Variants in FARS2 observed in about 807,000 individuals in gnomAD.
FARS2 encodes phenylalanyl-tRNA synthetase 2, mitochondrial.
A neutral mutation model predicts 46.4 loss-of-function variants in FARS2; 40 were observed. That is an observed-to-expected ratio of 0.86 (90% CI 0.67 to 1.12). The LOEUF is 1.12. FARS2 is among the 50% of genes most tolerant of loss of function. The pLI, the probability that FARS2 is intolerant of heterozygous loss-of-function variation, is 0.00. For missense variants in FARS2, 513 were observed against 567.9 expected (o/e 0.90, Z 0.98); for synonymous variants, 234 against 214.9 (o/e 1.09, Z -0.78).
At chr6:5,717,745 T>C (rs1269884401) in intron 6 of FARS2, among the ~76,000 whole-genome samples, 3 of 152,028 alleles carry the variant, frequency 2.0e-5, no homozygotes, top group Non-Finnish European at 4.4e-5. Flanking sequence ...TTTTACATAA[T>C]ATATTCCACA....
At chr6:5,670,902 C>T (rs942652104) in intron 6 of FARS2, among the ~76,000 whole-genome samples, 2 of 152,146 alleles carry the variant, frequency 1.3e-5, no homozygotes, top group African/African-American at 2.4e-5. Flanking sequence ...AATCAGGTGG[C>T]TTTTTATTTT....
At chr6:5,399,653 A>G (rs937730865) in intron 2 of FARS2, among the ~76,000 whole-genome samples, 1 of 151,922 alleles carries the variant, frequency 6.6e-6, no homozygotes, top group Non-Finnish European at 1.5e-5. Flanking sequence ...TTTCTAGCCT[A>G]TCCTTCCTTT....
intron 5 of FARS2, among the ~76,000 whole-genome samples, chr6:5,565,248 G>T (rs1772257932): frequency 1.3e-5 from 2 of 152,196 alleles, no homozygotes; most frequent in Non-Finnish European, 2.9e-5. Flanking sequence ...ACAAGGATCA[G>T]CAGTATTCCA....
At chr6:5,437,824 C>T (rs183830843) in intron 4 of FARS2, among the ~76,000 whole-genome samples, 27 of 152,184 alleles carry the variant, frequency 1.8e-4, no homozygotes, top group Admixed American at 1.6e-3. Context: ...TTTATATTTA[C>T]TTAGCTGTTT....
At chr6:5,651,035 C>T (rs977679446) in intron 6 of FARS2, among the ~76,000 whole-genome samples, 2 of 152,146 alleles carry the variant, frequency 1.3e-5, no homozygotes, top group African/African-American at 2.4e-5. Flanking sequence ...AAGCTTTAAC[C>T]TCAGTTGCCT....
At chr6:5,555,563 A>G (rs564766954) in intron 5 of FARS2, among the ~76,000 whole-genome samples, 1 of 152,128 alleles carries the variant, frequency 6.6e-6, no homozygotes, top group Non-Finnish European at 1.5e-5. Flanking sequence ...TGTCATTATC[A>G]TAAATGTTGT....
chr6:5,645,480 C>G (rs776826582), intron 6 of FARS2, among the ~76,000 whole-genome samples: 1 of 152,190 alleles, frequency 6.6e-6, no homozygotes, highest in Non-Finnish European at 1.5e-5. Flanking sequence ...CACACACAGT[C>G]GGGCCAGGTT....
At chr6:5,584,992 T>C (rs1374646223) in intron 5 of FARS2, among the ~76,000 whole-genome samples, 5 of 152,194 alleles carry the variant, frequency 3.3e-5, no homozygotes, top group African/African-American at 1.2e-4. Context: ...GCATTATTTT[T>C]CTTATTGTAA....
chr6:5,539,966 G>GTCC (rs1262761515), intron 4 of FARS2, among the ~76,000 whole-genome samples: 1 of 152,122 alleles, frequency 6.6e-6, no homozygotes, highest in African/African-American at 2.4e-5. Context: ...GGAAAAGCAA[G>GTCC]TCCTCCTTTA....
At chr6:5,400,935 G>A (rs1761219472) in intron 2 of FARS2, among the ~76,000 whole-genome samples, 1 of 150,448 alleles carries the variant, frequency 6.6e-6, no homozygotes, top group South Asian at 2.1e-4. Flanking sequence ...TCTTTGTCTT[G>A]CTCGGTGTTT....
At chr6:5,545,037 A>G (rs2150499985) in intron 4 of FARS2, 143 bp from the exon 5 acceptor site, 1 of 717,510 alleles carries the variant, frequency 1.4e-6, no homozygotes, top group South Asian at 1.8e-5. Context: ...GGGCACCCTC[A>G]TGGATGTCTT....
chr6:5,269,069 C>G (rs1177570090), intron 1 of FARS2, among the ~76,000 whole-genome samples: 1 of 152,144 alleles, frequency 6.6e-6, no homozygotes, highest in South Asian at 2.1e-4. Flanking sequence ...TTCACAATAG[C>G]AAAGACTTGG....
intron 5 of FARS2, among the ~76,000 whole-genome samples, chr6:5,604,238 G>A (rs1163022949): frequency 6.6e-6 from 1 of 152,154 alleles, no homozygotes; most frequent in Non-Finnish European, 1.5e-5. Flanking sequence ...GTCATCGCTC[G>A]TAGGATGGGG....
chr6:5,268,202 A>G (rs1765684901), intron 1 of FARS2, among the ~76,000 whole-genome samples: 1 of 151,240 alleles, frequency 6.6e-6, no homozygotes, highest in Non-Finnish European at 1.5e-5. Context: ...GAAGCTCTTT[A>G]GTTTAATTAG....
chr6:5,341,218 TA>T (rs1771581128), intron 1 of FARS2, among the ~76,000 whole-genome samples: 81 of 7,434 alleles, frequency 0.011, 13 homozygotes, highest in African/African-American at 0.032. Context: ...TATATATATA[TA>T]TATATATATA....
rs529792618 is a variant in FARS2 at position 5,550,556 on chromosome 6, A to G, written c.1065+5216A>G. Among the ~76,000 whole-genome samples, 27 of 152,314 alleles carry G rather than the reference A, an allele frequency of 1.8e-4. 1 individual carries two copies. In the South Asian group the frequency reaches 5.4e-3, roughly 30 times the overall value. On this transcript the variant is annotated intron_variant, in intron 5 of 6. Transcript: ENST00000274680. ...GTCAGGGTTACAGGCATGATGAGCC[A>G]CTGTGCCTTACCTCCTTTTTTGTTA...
chr6:5,432,622 A>G (rs1167342228), intron 4 of FARS2, among the ~76,000 whole-genome samples: 4 of 148,778 alleles, frequency 2.7e-5, no homozygotes, highest in African/African-American at 9.9e-5. Context: ...TGAGCACCAA[A>G]TTGGATAGGA....
At chr6:5,666,390 A>T (rs891008458) in intron 6 of FARS2, among the ~76,000 whole-genome samples, 5 of 152,142 alleles carry the variant, frequency 3.3e-5, no homozygotes, top group African/African-American at 1.2e-4. Context: ...AATGCCACCA[A>T]CCTGCCCCTC....
intron 2 of FARS2, among the ~76,000 whole-genome samples, chr6:5,386,556 G>A (rs76321668): frequency 0.031 from 4,709 of 152,200 alleles, 248 homozygotes; most frequent in African/African-American, 0.094. Context: ...TATTACAATC[G>A]TCCGAGAGAA....
Sources: allele counts gnomAD v4.1 joint callset (sites outside exome capture counted in the v4.1 genomes callset), GRCh38; gene constraint gnomAD v4.1.1; transcripts MANE v1.5; gene names NCBI Gene and HGNC (gene_info 2026-07-23, HGNC 2026-07-21).